The following NOL4 variants were observed in gnomAD, a reference collection of about 807,000 sequenced individuals.
NOL4 encodes nucleolar protein 4, also known as cancer/testis antigen 125.
A neutral mutation model predicts 75.9 loss-of-function variants in NOL4; 17 were observed. That is an observed-to-expected ratio of 0.22 (90% CI 0.15 to 0.34). The LOEUF is 0.34. Ranked by LOEUF, NOL4 falls within the 10% of genes least tolerant of loss-of-function variation. The pLI is 1.00. For synonymous variants in NOL4, 292 were observed against 289.9 expected (o/e 1.01, Z -0.07); for missense variants, 614 against 793.5 (o/e 0.77, Z 2.72).
At chr18:34,202,500 G>A (rs1030435998) in intron 1 of NOL4, among the ~76,000 whole-genome samples, 3 of 151,950 alleles carry the variant, frequency 2.0e-5, no homozygotes, top group Non-Finnish European at 4.4e-5. Flanking sequence ...CTGGTTGGAC[G>A]ATTTAGACCT....
chr18:33,880,586 T>C (rs538492425), intron 10 of NOL4, among the ~76,000 whole-genome samples: 2 of 152,154 alleles, frequency 1.3e-5, no homozygotes, highest in African/African-American at 4.8e-5. Context: ...GAGCATGCCA[T>C]TGACATTGAC....
intron 9 of NOL4, among the ~76,000 whole-genome samples, chr18:33,935,585 T>C (rs1052733583): frequency 6.6e-6 from 1 of 152,056 alleles, no homozygotes; most frequent in Non-Finnish European, 1.5e-5. Flanking sequence ...GATATAATCA[T>C]GATGAAAAAT....
At chr18:34,067,381 C>T (rs2077324554) in intron 5 of NOL4, among the ~76,000 whole-genome samples, 1 of 152,086 alleles carries the variant, frequency 6.6e-6, no homozygotes, top group African/African-American at 2.4e-5. Context: ...AGATGAGAAA[C>T]CCTGAAAGGG....
At chr18:34,022,595 T>C (rs1182884129) in intron 5 of NOL4, among the ~76,000 whole-genome samples, 2 of 151,926 alleles carry the variant, frequency 1.3e-5, no homozygotes, top group African/African-American at 2.4e-5. Context: ...CCCACAAAAG[T>C]CCAAAGAAGA....
chr18:34,030,847 A>G (rs1417904440), intron 5 of NOL4, among the ~76,000 whole-genome samples: 2 of 152,210 alleles, frequency 1.3e-5, no homozygotes, highest in African/African-American at 4.8e-5. Context: ...ATTATTTGTC[A>G]ATTAAAAATA....
chr18:34,128,879 T>G, intron 2 of NOL4: 1 of 980,200 alleles, frequency 1.0e-6, no homozygotes, highest in Non-Finnish European at 1.2e-6. Flanking sequence ...ATTTCACACA[T>G]TTTTCTGTAT....
intron 1 of NOL4, among the ~76,000 whole-genome samples, chr18:34,211,091 G>C (rs1050476852): frequency 7.1e-6 from 1 of 141,838 alleles, no homozygotes; most frequent in Non-Finnish European, 1.5e-5. Context: ...AAAGAAAGGA[G>C]GGAAGGAAGA....
chr18:34,115,777 T>C (rs62095778), intron 2 of NOL4, among the ~76,000 whole-genome samples: 35,624 of 152,010 alleles, frequency 0.23, 4,454 homozygotes, highest in East Asian at 0.47. Flanking sequence ...CTTATTAAAT[T>C]TCTGCTCTAA....
intron 5 of NOL4, among the ~76,000 whole-genome samples, chr18:34,071,199 A>G (rs2077499975): frequency 1.3e-5 from 2 of 152,132 alleles, no homozygotes; most frequent in South Asian, 4.1e-4. Context: ...CAAAATTTAT[A>G]TTGTACCCAC....
At chr18:34,045,378 C>T (rs2144869145) in intron 5 of NOL4, among the ~76,000 whole-genome samples, 1 of 152,258 alleles carries the variant, frequency 6.6e-6, no homozygotes, top group East Asian at 1.9e-4. Flanking sequence ...ATTACCCCTA[C>T]CATTTATTCA....
At chr18:33,935,513 C>T (rs144370823) in intron 9 of NOL4, among the ~76,000 whole-genome samples, 218 of 152,094 alleles carry the variant, frequency 1.4e-3, no homozygotes, top group African/African-American at 4.7e-3. Context: ...GCATGGTTCA[C>T]GGTGTCCCAA....
intron 9 of NOL4, among the ~76,000 whole-genome samples, chr18:33,890,791 G>A (rs1244655496): frequency 2.6e-5 from 4 of 151,894 alleles, no homozygotes; most frequent in Admixed American, 1.3e-4. Flanking sequence ...GTGCTAATAC[G>A]CAGGTCAGAG....
chr18:34,209,368 A>G (rs146640182), intron 1 of NOL4, among the ~76,000 whole-genome samples: 1 of 152,282 alleles, frequency 6.6e-6, no homozygotes, highest in Non-Finnish European at 1.5e-5. Flanking sequence ...TTATATTTTA[A>G]ACCATAACTC....
At chr18:34,115,508 C>T (rs1348529724) in intron 2 of NOL4, among the ~76,000 whole-genome samples, 2 of 135,408 alleles carry the variant, frequency 1.5e-5, no homozygotes, top group African/African-American at 2.7e-5. Flanking sequence ...AGCACATGCA[C>T]AGTGGGGAAA....
intron 6 of NOL4, among the ~76,000 whole-genome samples, chr18:33,975,912 G>T (rs547646368): frequency 6.6e-6 from 1 of 152,314 alleles, no homozygotes; most frequent in South Asian, 2.1e-4. Context: ...TGAATAGTAA[G>T]GAAGACATTG....
intron 1 of NOL4, among the ~76,000 whole-genome samples, chr18:34,182,628 CA>C (rs1280566852): frequency 6.6e-6 from 1 of 151,408 alleles, no homozygotes; most frequent in Non-Finnish European, 1.5e-5. Context: ...AATTTATTAT[CA>C]ACTGAGTGCA....
intron 5 of NOL4, 123 bp from the exon 6 acceptor site, chr18:34,019,724 C>A: frequency 1.2e-6 from 1 of 807,680 alleles, no homozygotes; most frequent in South Asian, 1.9e-5. Context: ...GTAATTCATC[C>A]TCAGCAATAA....
At chr18:33,982,284 A>G (rs2072028328) in intron 6 of NOL4, among the ~76,000 whole-genome samples, 1 of 152,136 alleles carries the variant, frequency 6.6e-6, no homozygotes, top group African/African-American at 2.4e-5. Flanking sequence ...TGGATCAAAA[A>G]TCAAGATCCA....
intron 4 of NOL4, among the ~76,000 whole-genome samples, chr18:34,103,196 T>C (rs1361093897): frequency 6.6e-6 from 1 of 152,196 alleles, no homozygotes; most frequent in Non-Finnish European, 1.5e-5. Flanking sequence ...TTCAAGAAGA[T>C]AATTTATTAG....
Sources: allele counts gnomAD v4.1 joint callset (sites outside exome capture counted in the v4.1 genomes callset), GRCh38; gene constraint gnomAD v4.1.1; transcripts MANE v1.5; gene names NCBI Gene and HGNC (gene_info 2026-07-23, HGNC 2026-07-21).